Variants in DYM observed in about 807,000 individuals in gnomAD.
DYM encodes the protein dymeclin.
DYM carries 78 observed loss-of-function variants against 93.1 expected under a neutral mutation model. The ratio of observed to expected loss-of-function variants is 0.84; its 90% confidence interval spans 0.70 to 1.01. The LOEUF (loss-of-function observed/expected upper bound fraction) is 1.01. DYM is among the 50% of genes least tolerant of loss of function. The pLI is 0.00. For missense variants in DYM, 789 were observed against 845.0 expected, an observed-to-expected ratio of 0.93 and a Z score of 0.82; for synonymous variants, 321 against 319.7, an observed-to-expected ratio of 1.00 and a Z score of -0.04.
At chr18:49,219,707 CA>C (rs1408477703) in intron 13 of DYM, among the ~76,000 whole-genome samples, 2 of 149,520 alleles carry the variant, frequency 1.3e-5, no homozygotes, top group East Asian at 4.0e-4. Context: ...AATTTAACAA[CA>C]CTTCATGCTA....
At position 49,091,364 on chromosome 18, in the gene DYM, A is replaced by C. The variant is rs566103071; in HGVS notation, c.2025+6038T>G. 2.4e-3 allele frequency among the ~76,000 whole-genome samples: 366 copies of C among 152,278 alleles called. 3 individuals are homozygous for C. Among genetic ancestry groups the C allele is most frequent in the African/African-American group, 7.4e-3 (306 of 41,562 alleles). ...TAGGATTGGGGGGCTGGGAGTGCAG[A>C]AATGTTACCTGGAAGGTCGGGCAGG... On this transcript the variant is annotated intron_variant, in intron 17 of 17. Coordinates refer to ENST00000675505, the MANE Select transcript of DYM (RefSeq NM_001353214.3).
At chr18:49,280,625 G>A (rs1471468893) in intron 10 of DYM, among the ~76,000 whole-genome samples, 8 of 152,180 alleles carry the variant, frequency 5.3e-5, no homozygotes, top group Admixed American at 3.9e-4. Flanking sequence ...AGCCAGGGAC[G>A]CTGCGGTGTC....
rs561814977 is a variant in DYM at position 49,066,342 on chromosome 18, G to A, written c.2026-22138C>T. ...ATAGCCCTCTCGGCGAGTTCTATCT[G>A]TGAATTTTATGTTAATGGAATTACA... On this transcript the variant is annotated intron_variant, in intron 17 of 17. Coordinates refer to ENST00000675505, the MANE Select transcript of DYM (RefSeq NM_001353214.3). 5.9e-5 allele frequency among the ~76,000 whole-genome samples: 9 copies of A among 152,234 alleles called. No homozygotes were observed. In the South Asian group the frequency reaches 1.7e-3, roughly 28 times the overall value.
intron 17 of DYM, among the ~76,000 whole-genome samples, chr18:49,094,963 A>G (rs1259116460): frequency 1.3e-5 from 2 of 152,232 alleles, no homozygotes; most frequent in Non-Finnish European, 2.9e-5. Flanking sequence ...TATATATTTT[A>G]AGAAACAACA....
chr18:49,328,221 C>T (rs766510709), intron 8 of DYM, among the ~76,000 whole-genome samples: 3 of 152,126 alleles, frequency 2.0e-5, no homozygotes, highest in Non-Finnish European at 4.4e-5. Context: ...GTGGAGCCAA[C>T]ACAGGGAGAA....
At chr18:49,290,118 T>C (rs1599164202) in intron 8 of DYM, among the ~76,000 whole-genome samples, 1 of 151,826 alleles carries the variant, frequency 6.6e-6, no homozygotes, top group African/African-American at 2.4e-5. Context: ...CAAAAGAGCA[T>C]GTATAGGAAT....
rs928016333 is a variant in DYM at position 49,154,026 on chromosome 18, G to A, written c.1728+9659C>T. Reference sequence around the variant, plus strand: ...AATATCATGTATTTCCCAGTATGATGCACTGAGAAGGGCTCACCTCTTCCC... The same window carrying A: ...AATATCATGTATTTCCCAGTATGATACACTGAGAAGGGCTCACCTCTTCCC... On this transcript the variant is annotated intron_variant, in intron 15 of 17. Coordinates refer to ENST00000675505, the MANE Select transcript of DYM (RefSeq NM_001353214.3). Among the ~76,000 whole-genome samples the A allele has an allele frequency of 3.3e-5, 5 of 152,144 alleles. No individual in the cohort carries two copies. The South Asian group carries it at 6.2e-4, about 19-fold the overall frequency.
Position 49,258,443 on chromosome 18 carries a change from G to C in DYM, c.1302C>G (p.Ser434=). ...WYSERVLTEI[S]LGSLLILVVI... ...CCACCAGGATCAGGAGACTCCCCAA[G>C]GAGATTTCAGTTAAAACTCGTTCTG... is the stretch of plus-strand genomic sequence containing the variant. Residue 434 remains serine, a synonymous_variant, in exon 12 of 18, where the codon TCC becomes TCG. Coordinates refer to ENST00000675505, the MANE Select transcript of DYM (RefSeq NM_001353214.3). The C allele has an allele frequency of 6.2e-7, 1 of 1,613,606 alleles. No homozygotes were observed. Among genetic ancestry groups the C allele is most frequent in the Admixed American group, 1.7e-5 (1 of 60,024 alleles).
chr18:49,441,314 A>ATAATATAATTATATATAAT (rs1600292855), intron 1 of DYM, among the ~76,000 whole-genome samples: 5 of 73,484 alleles, frequency 6.8e-5, no homozygotes, highest in East Asian at 9.4e-4. Flanking sequence ...TATAATTAAT[A>ATAATATAATTATATATAAT]TATAATTATA....
intron 14 of DYM, among the ~76,000 whole-genome samples, chr18:49,199,597 A>C (rs1678455658): frequency 6.6e-6 from 1 of 152,260 alleles, no homozygotes; most frequent in Non-Finnish European, 1.5e-5. Flanking sequence ...ATTTCATTTC[A>C]TGCCACAGAA....
At chr18:49,182,257 T>C (rs925054923) in intron 14 of DYM, among the ~76,000 whole-genome samples, 1 of 152,194 alleles carries the variant, frequency 6.6e-6, no homozygotes, top group Non-Finnish European at 1.5e-5. Flanking sequence ...TATGCAAATG[T>C]TTTGGCTGGA....
intron 15 of DYM, among the ~76,000 whole-genome samples, chr18:49,126,813 T>C (rs1173974221): frequency 6.6e-6 from 1 of 152,214 alleles, no homozygotes; most frequent in Non-Finnish European, 1.5e-5. Flanking sequence ...CTTTAGACAT[T>C]ATCATAAAAA....
intron 6 of DYM, among the ~76,000 whole-genome samples, chr18:49,360,467 C>G (rs1255271948): frequency 6.6e-6 from 1 of 151,772 alleles, no homozygotes; most frequent in Admixed American, 6.6e-5. Flanking sequence ...ACTAAAAATA[C>G]AAAAATTAGC....
At chr18:49,163,140 T>C (rs931405006) in intron 15 of DYM, among the ~76,000 whole-genome samples, 1 of 152,156 alleles carries the variant, frequency 6.6e-6, no homozygotes, top group Non-Finnish European at 1.5e-5. Flanking sequence ...ATATAAAGAT[T>C]CTTAATTATG....
chr18:49,434,207 T>C (rs2080605028), intron 1 of DYM, among the ~76,000 whole-genome samples: 1 of 151,792 alleles, frequency 6.6e-6, no homozygotes, highest in South Asian at 2.1e-4. Context: ...ATTAGCCAGG[T>C]GTGGTGGCAC....
At chr18:49,454,510 A>G (rs996891349) in intron 1 of DYM, among the ~76,000 whole-genome samples, 2 of 152,016 alleles carry the variant, frequency 1.3e-5, no homozygotes, top group African/African-American at 4.8e-5. Context: ...GATTAGGTTG[A>G]GGCAACCAGC....
intron 4 of DYM, 149 bp from the exon 5 acceptor site, chr18:49,378,849 G>C (rs2067767995): frequency 1.4e-6 from 1 of 737,236 alleles, no homozygotes; most frequent in East Asian, 2.8e-5. Flanking sequence ...AATGGCTCAT[G>C]ATTTATTTCA....
intron 5 of DYM, among the ~76,000 whole-genome samples, chr18:49,367,287 G>A (rs891430057): frequency 6.6e-6 from 1 of 152,174 alleles, no homozygotes; most frequent in African/African-American, 2.4e-5. Context: ...CCCTATCCCT[G>A]GAGTTTTCTC....
intron 13 of DYM, among the ~76,000 whole-genome samples, chr18:49,225,610 TATTA>T (rs1236621813): frequency 2.0e-5 from 3 of 152,168 alleles, no homozygotes; most frequent in African/African-American, 7.2e-5. Context: ...TGAGTTGTTT[TATTA>T]ATTGCCGAAG....
Sources: gnomAD v4.1 joint callset for allele counts (sites outside exome capture counted in the v4.1 genomes callset) on GRCh38, gnomAD v4.1.1 for gene constraint, MANE v1.5 for transcripts, NCBI Gene and HGNC (gene_info 2026-07-23, HGNC 2026-07-21) for gene names.